The following PTPRB variants were observed in gnomAD, a reference collection of about 807,000 sequenced individuals.
The protein encoded by PTPRB is receptor-type tyrosine-protein phosphatase beta.
PTPRB carries 97 observed loss-of-function variants against 238.1 expected under a neutral mutation model. The observed-to-expected ratio is 0.41, with a 90% CI of 0.35 to 0.48. PTPRB has a LOEUF of 0.48. PTPRB is among the 20% of genes least tolerant of loss of function. The pLI, the probability that PTPRB is intolerant of heterozygous loss-of-function variation, is 0.30. For synonymous variants in PTPRB, 970 were observed against 995.4 expected (o/e 0.97, Z 0.48); for missense variants, 2,292 against 2,681.9 (o/e 0.85, Z 3.21).
intron 4 of PTPRB, among the ~76,000 whole-genome samples, chr12:70,599,899 A>G (rs991778355): frequency 6.6e-6 from 1 of 151,098 alleles, no homozygotes; most frequent in African/African-American, 2.4e-5. Flanking sequence ...GGGTCCAGGT[A>G]TTGGAGGCTA....
intron 21 of PTPRB, among the ~76,000 whole-genome samples, chr12:70,547,033 T>A (rs74101681): frequency 0.014 from 2,204 of 152,230 alleles, 56 homozygotes; most frequent in African/African-American, 0.05. Flanking sequence ...TTTGTTTTTT[T>A]AAAATCTATA....
chr12:70,615,361 A>G (rs183951612), intron 3 of PTPRB, among the ~76,000 whole-genome samples: 1 of 152,250 alleles, frequency 6.6e-6, no homozygotes, highest in African/African-American at 2.4e-5. Flanking sequence ...ATTTTTTTAA[A>G]ATACTGCAAG....
At position 70,587,030 on chromosome 12, in the gene PTPRB, G is replaced by A; in HGVS notation, c.2288C>T (p.Ser763Phe). 1 of 1,613,624 alleles carries A rather than the reference G, an allele frequency of 6.2e-7. No homozygotes were observed. The highest frequency in any genetic ancestry group is 8.5e-7 in the Non-Finnish European group (1 of 1,179,640). The change falls in exon 9 of 34, where the codon TCC becomes TTC. Residue 763 changes from serine to phenylalanine, a missense_variant. By Grantham distance (155) the Ser-to-Phe change is radical (BLOSUM62 -2). This residue lies in a region of PTPRB where 1,205 missense variants were observed against 1,287.8 expected (regional missense o/e 0.94). Coordinates refer to ENST00000334414, the MANE Select transcript of PTPRB (RefSeq NM_001109754.4). ...VTSISGDLKNSSSVKGRTVPA... is the reference protein window; with the variant it reads ...VTSISGDLKNFSSVKGRTVPA... Reference sequence around the variant, plus strand: ...ACCTGTTCTTCCTTTTACTGAAGAGGAATTTTTTAAGTCTCCACTAATACT... The same window carrying A: ...ACCTGTTCTTCCTTTTACTGAAGAGAAATTTTTTAAGTCTCCACTAATACT...
intron 3 of PTPRB, 28 bp downstream of exon 3, chr12:70,622,362 C>A (rs1184714845): frequency 1.2e-6 from 2 of 1,608,512 alleles, no homozygotes; most frequent in Admixed American, 3.3e-5. Flanking sequence ...CGTGCACAGA[C>A]CACACTCCAC....
rs773310305 is a variant in PTPRB at position 70,563,096 on chromosome 12, C to G, written c.3916G>C (p.Val1306Leu). 1.9e-6 allele frequency: 3 copies of G among 1,612,226 alleles called. No individual in the cohort carries two copies. Among genetic ancestry groups the G allele is most frequent in the Admixed American group, 1.7e-5 (1 of 59,792 alleles). ...QTEGRTVPAAVTDLRITENST... is the reference protein window; with the variant it reads ...QTEGRTVPAALTDLRITENST... ...TTCTCTGTGATCCTCAGGTCGGTGA[C>G]AGCTGCTGGGACTGGAAAAGTCGAG... The change falls in exon 16 of 34, where the codon GTC becomes CTC. Residue 1306 changes from valine to leucine, a missense_variant. This residue lies in a region of PTPRB where 683 missense variants were observed against 862.0 expected (regional missense o/e 0.79). Coordinates refer to ENST00000334414, the MANE Select transcript of PTPRB (RefSeq NM_001109754.4).
At chr12:70,561,340 C>A (rs1351232886) in intron 16 of PTPRB, among the ~76,000 whole-genome samples, 1 of 152,060 alleles carries the variant, frequency 6.6e-6, no homozygotes, top group East Asian at 1.9e-4. Context: ...TCCTCTGTAC[C>A]CTCCTTTAGG....
Position 70,621,381 on chromosome 12 carries a change from T to G in PTPRB, c.708+1009A>C, listed in dbSNP as rs1217132928. On this transcript the variant is annotated intron_variant, in intron 3 of 33. Coordinates refer to ENST00000334414, the MANE Select transcript of PTPRB (RefSeq NM_001109754.4). ...TTCCTGGAGTTGGTATTTTTGTTAA[T>G]GAACTGAGAGTAAGTATTGAGTTTT... Among the ~76,000 whole-genome samples the G allele has an allele frequency of 2.0e-5, 3 of 152,210 alleles. No individual in the cohort carries two copies. In the East Asian group the frequency reaches 5.8e-4, roughly 29 times the overall value.
rs1878744659 is a variant in PTPRB at position 70,563,180 on chromosome 12, G to T, written c.3905-73C>A. On this transcript the variant is annotated intron_variant, in intron 15 of 33. Transcript: ENST00000334414. Reference sequence around the variant, plus strand: ...GAGAAGGGAGCAGGTGGGGAAGAGGGAAAAGCAAACAGAAAGAGGAAGTTG... The same window carrying T: ...GAGAAGGGAGCAGGTGGGGAAGAGGTAAAAGCAAACAGAAAGAGGAAGTTG... The T allele has an allele frequency of 3.6e-6, 5 of 1,397,110 alleles. No individual in the cohort carries two copies. In the South Asian group the frequency reaches 5.3e-5, roughly 15 times the overall value. 86.5% of individuals were successfully genotyped at this position (1,397,110 alleles called of 1,614,324 possible).
intron 2 of PTPRB, among the ~76,000 whole-genome samples, chr12:70,627,183 T>G (rs2136595581): frequency 1.3e-5 from 2 of 152,202 alleles, no homozygotes; most frequent in East Asian, 3.9e-4. Flanking sequence ...GAGAAAAGAC[T>G]GAAATAGTAG....
chr12:70,578,558 C>A (rs747665436), intron 10 of PTPRB, among the ~76,000 whole-genome samples: 1 of 151,972 alleles, frequency 6.6e-6, no homozygotes, highest in African/African-American at 2.4e-5. Context: ...AATTTCTTGT[C>A]CCTTTTTCCC....
chr12:70,556,803 T>G (rs955376668), intron 18 of PTPRB, among the ~76,000 whole-genome samples: 8 of 152,046 alleles, frequency 5.3e-5, no homozygotes, highest in African/African-American at 1.7e-4. Flanking sequence ...AGAAGCAAAG[T>G]TAAGAATTAT....
intron 2 of PTPRB, among the ~76,000 whole-genome samples, chr12:70,630,395 A>G (rs927359290): frequency 3.9e-5 from 6 of 152,198 alleles, no homozygotes; most frequent in Admixed American, 3.9e-4. Context: ...CTCTCAATAA[A>G]CTAGGTATTG....
Position 70,521,358 on chromosome 12 carries a change from C to A in PTPRB, c.*131G>T. ...CCTTTAAATTATATAAAATTTTAAACATTCTCCAGATTAATAAATTATACA... is the reference window on the plus strand; with the variant it reads ...CCTTTAAATTATATAAAATTTTAAAAATTCTCCAGATTAATAAATTATACA... On this transcript the variant is annotated 3_prime_UTR_variant, in exon 34 of 34. Coordinates refer to ENST00000334414, the MANE Select transcript of PTPRB (RefSeq NM_001109754.4). 3.6e-6 allele frequency: 2 copies of A among 559,134 alleles called. No homozygotes were observed. The highest frequency in any genetic ancestry group is 3.2e-5 in the East Asian group (1 of 31,266). The allele number at this position is 559,134 out of a possible 1,614,324, so 34.6% of individuals were successfully genotyped here.
At chr12:70,622,713 A>G (rs1884999887) in intron 2 of PTPRB, 67 bp from the exon 3 acceptor site, 1 of 1,466,976 alleles carries the variant, frequency 6.8e-7, no homozygotes, top group Non-Finnish European at 9.1e-7. Flanking sequence ...CATAAAATCA[A>G]TTTTACTTAG....
intron 7 of PTPRB, among the ~76,000 whole-genome samples, chr12:70,590,940 GTTTTTT>G (rs35496972): frequency 9.7e-6 from 1 of 102,860 alleles, no homozygotes; most frequent in Non-Finnish European, 1.9e-5. Flanking sequence ...TTTCCTCCAA[GTTTTTT>G]TTTTTTTTTT....
At position 70,532,316 on chromosome 12, in the gene PTPRB, C is replaced by T. The variant is rs551835338; in HGVS notation, c.6369-146G>A. Reference sequence around the variant, plus strand: ...TTTCTTTCTCTCAAATAAGTTTAACCTAGAGTCCCCCAACCCCACCCCCCC... The same window carrying T: ...TTTCTTTCTCTCAAATAAGTTTAACTTAGAGTCCCCCAACCCCACCCCCCC... On this transcript the variant is annotated intron_variant, in intron 31 of 33. Coordinates refer to ENST00000334414, the MANE Select transcript of PTPRB (RefSeq NM_001109754.4). 2.0e-3 allele frequency: 2,084 copies of T among 1,059,594 alleles called. 6 individuals carry two copies. Among genetic ancestry groups the T allele is most frequent in the Admixed American group, 2.2e-3 (70 of 32,154 alleles). 65.6% of individuals were successfully genotyped at this position (1,059,594 alleles called of 1,614,324 possible).
At chr12:70,551,040 C>A (rs527924345) in intron 21 of PTPRB, among the ~76,000 whole-genome samples, 77 of 152,268 alleles carry the variant, frequency 5.1e-4, no homozygotes, top group African/African-American at 1.7e-3. Context: ...GGATTACAGG[C>A]GTGCACCACC....
chr12:70,624,452 A>G (rs1291015355), intron 2 of PTPRB, among the ~76,000 whole-genome samples: 1 of 152,146 alleles, frequency 6.6e-6, no homozygotes, highest in Non-Finnish European at 1.5e-5. Context: ...CACTCCGGAC[A>G]TAGATCAGAT....
chr12:70,528,554 G>C (rs925830201), intron 32 of PTPRB, among the ~76,000 whole-genome samples: 2 of 152,130 alleles, frequency 1.3e-5, no homozygotes, highest in African/African-American at 4.8e-5. Context: ...TGACTGCTTG[G>C]ATGTGGGAAC....
Sources: gnomAD v4.1 joint callset for allele counts (sites outside exome capture counted in the v4.1 genomes callset) on GRCh38, gnomAD v4.1.1 for gene constraint, gnomAD v4.1.1 regional missense constraint, MANE v1.5 for transcripts, NCBI Gene and HGNC (gene_info 2026-07-23, HGNC 2026-07-21) for gene names.